DAB2IP: variants seen among roughly 807,000 people sequenced by gnomAD.
The protein encoded by DAB2IP is disabled homolog 2-interacting protein.
In DAB2IP, 28 loss-of-function variants were observed where a neutral mutation model predicts 107.2. The ratio of observed to expected loss-of-function variants is 0.26; its 90% CI spans 0.19 to 0.36. The LOEUF (loss-of-function observed/expected upper bound fraction) is 0.36. Ranked by LOEUF, DAB2IP falls within the 10% of genes least tolerant of loss-of-function variation. The pLI, the probability that DAB2IP is intolerant of heterozygous loss-of-function variation, is 1.00. For missense variants in DAB2IP, 1,400 were observed against 1,644.7 expected (o/e 0.85, Z 2.57); for synonymous variants, 755 against 706.4 (o/e 1.07, Z -1.09).
chr9:121,731,122 A>C (rs528434732), intron 3 of DAB2IP, among the ~76,000 whole-genome samples: 36 of 152,280 alleles, frequency 2.4e-4, no homozygotes, highest in African/African-American at 7.0e-4. Flanking sequence ...CTGGGCCTAC[A>C]GCCTGTTATA....
At chr9:121,615,788 G>A (rs893469546) in intron 1 of DAB2IP, among the ~76,000 whole-genome samples, 11 of 151,890 alleles carry the variant, frequency 7.2e-5, no homozygotes, top group South Asian at 2.1e-4. Context: ...CACCATGCCC[G>A]GCTAATTTTA....
At chr9:121,708,924 G>A (rs558265038) in intron 3 of DAB2IP, among the ~76,000 whole-genome samples, 5 of 152,338 alleles carry the variant, frequency 3.3e-5, no homozygotes, top group African/African-American at 1.2e-4. Flanking sequence ...TCCCAACTAA[G>A]GAGGCCAGGC....
At chr9:121,657,032 G>A (rs1372776472) in intron 1 of DAB2IP, among the ~76,000 whole-genome samples, 1 of 152,230 alleles carries the variant, frequency 6.6e-6, no homozygotes, top group Non-Finnish European at 1.5e-5. Flanking sequence ...TGGGAGGGAG[G>A]CAGGGGAGTG....
chr9:121,653,038 T>C (rs1832816021), intron 1 of DAB2IP, among the ~76,000 whole-genome samples: 1 of 152,124 alleles, frequency 6.6e-6, no homozygotes, highest in South Asian at 2.1e-4. Context: ...AGGTGTGTGC[T>C]GGTAGTTCAG....
intron 3 of DAB2IP, chr9:121,742,719 C>G (rs939912848): frequency 3.0e-6 from 3 of 985,560 alleles, no homozygotes; most frequent in Non-Finnish European, 2.4e-6. Flanking sequence ...GTTCCCTGCA[C>G]CTGCCTTTTC....
At chr9:121,665,711 A>G (rs1284672077) in intron 1 of DAB2IP, among the ~76,000 whole-genome samples, 1 of 152,240 alleles carries the variant, frequency 6.6e-6, no homozygotes. Context: ...ATGTCTTTTG[A>G]TAAAAGGTGC....
In DAB2IP at chr9:121,760,283, C is replaced by T. The variant is rs571566313; in HGVS notation, c.1014C>T (p.Thr338=). The T allele has an allele frequency of 1.1e-4, 174 of 1,613,904 alleles. 1 individual carries two copies. In the South Asian group the frequency reaches 1.8e-3, roughly 17 times the overall value. The change falls in exon 6 of 16, where the codon ACC becomes ACT. Residue 338 remains threonine, a synonymous_variant. Coordinates refer to ENST00000408936, the Ensembl canonical transcript of DAB2IP. This position sits in a 1 kb window ranked among gnomAD's most constrained non-coding sequence, Gnocchi z 5.9. ...TCAAGGCGCGCTACCAAACCATCAC[C>T]ATCCTGCCCATGGAGATGTACAAAG...
intron 1 of DAB2IP, among the ~76,000 whole-genome samples, chr9:121,603,613 G>A (rs960132735): frequency 1.3e-5 from 2 of 152,068 alleles, no homozygotes; most frequent in African/African-American, 4.8e-5. Flanking sequence ...CTATTTTTCT[G>A]CCCTATCTGG....
At position 121,776,035 on chromosome 9, in the gene DAB2IP, A is replaced by G. The variant is rs1835175165; in HGVS notation, c.3121-163A>G. Among the ~76,000 whole-genome samples, 1 of 152,100 alleles carries G rather than the reference A, an allele frequency of 6.6e-6. No homozygotes were observed. The highest frequency in any genetic ancestry group is 6.5e-5 in the Admixed American group (1 of 15,282). ...CACGCGTCTGGCTGCAGCCCCCACC[A>G]GCTGGGCTCCTTGGGCATCTCCTTG... On this transcript the variant is annotated intron_variant, in intron 13 of 15. Transcript: ENST00000408936. This position sits in a 1 kb window ranked among gnomAD's most constrained non-coding sequence, Gnocchi z 5.4.
chr9:121,593,898 C>T (rs974647530), intron 1 of DAB2IP, among the ~76,000 whole-genome samples: 3 of 150,962 alleles, frequency 2.0e-5, no homozygotes, highest in African/African-American at 7.3e-5. Context: ...AAACTCCTGA[C>T]CTCAGGTGAT....
At chr9:121,649,115 G>C (rs746384931), upstream of DAB2IP, among the ~76,000 whole-genome samples, 1 of 152,126 alleles carries the variant, frequency 6.6e-6, no homozygotes, top group South Asian at 2.1e-4. Context: ...CTCAGTACCC[G>C]GAGAGTACCT....
At chr9:121,761,555 G>A (rs139677993) in intron 6 of DAB2IP, among the ~76,000 whole-genome samples, 4 of 152,344 alleles carry the variant, frequency 2.6e-5, no homozygotes, top group Admixed American at 6.5e-5. Flanking sequence ...GGCCATGGCT[G>A]GAAGCCTCAG....
intron 1 of DAB2IP, among the ~76,000 whole-genome samples, chr9:121,666,895 CACACACACACACACACACACAA>C (rs1163034713): frequency 1.3e-5 from 2 of 150,158 alleles, no homozygotes; most frequent in African/African-American, 2.5e-5. Context: ...CACACACACA[CACACACACACACACACACACAA>C]CACTCTTAAA....
Position 121,593,063 on chromosome 9 carries a change from G to A in DAB2IP, c.40+25835G>A, listed in dbSNP as rs75202185. ...GGCCAGCCTCCCTGGGTGTGGTTTT[G>A]TTCAGAACTGGAGAACGCGCCTGAA... On this transcript the variant is annotated intron_variant, in intron 1 of 16. Coordinates refer to the DAB2IP transcript ENST00000259371. Among the ~76,000 whole-genome samples the A allele has an allele frequency of 3.7e-3, 568 of 152,280 alleles. 3 individuals carry two copies. The highest frequency in any genetic ancestry group is 0.013 in the African/African-American group (545 of 41,544).
chr9:121,661,886 G>A (rs1833221393), intron 1 of DAB2IP, among the ~76,000 whole-genome samples: 1 of 151,864 alleles, frequency 6.6e-6, no homozygotes, highest in Non-Finnish European at 1.5e-5. Flanking sequence ...AAGGTTGAGG[G>A]TGGAGGATTG....
rs74947772 is a variant in DAB2IP at position 121,727,434 on chromosome 9, G to A, written c.362+27976G>A. Among the ~76,000 whole-genome samples the A allele has an allele frequency of 8.1e-3, 1,239 of 152,356 alleles. 8 individuals carry two copies. Among genetic ancestry groups the A allele is most frequent in the Non-Finnish European group, 0.01 (691 of 68,032 alleles). ...TAGCAGAGTGCCTACACATAGAGGCGCCAGCGTGCCTTAGCATGGCAGTGG... is the reference window on the plus strand; with the variant it reads ...TAGCAGAGTGCCTACACATAGAGGCACCAGCGTGCCTTAGCATGGCAGTGG... On this transcript the variant is annotated intron_variant, in intron 3 of 15. Coordinates refer to ENST00000408936, the Ensembl canonical transcript of DAB2IP.
At chr9:121,678,013 TATC>T (rs1828359109) in intron 1 of DAB2IP, among the ~76,000 whole-genome samples, 1 of 152,138 alleles carries the variant, frequency 6.6e-6, no homozygotes, top group Non-Finnish European at 1.5e-5. Flanking sequence ...ACATAAAAGT[TATC>T]ATTTTAACTA....
At chr9:121,780,586 G>A (rs1451017977) in intron 14 of DAB2IP, among the ~76,000 whole-genome samples, 3 of 152,190 alleles carry the variant, frequency 2.0e-5, no homozygotes, top group Non-Finnish European at 4.4e-5. Context: ...GGAGGCTGAG[G>A]CCAAAGCCCT....
chr9:121,714,929 G>A (rs1182295572), intron 3 of DAB2IP, among the ~76,000 whole-genome samples: 1 of 152,222 alleles, frequency 6.6e-6, no homozygotes, highest in Non-Finnish European at 1.5e-5. Context: ...GGGCTGCCAC[G>A]GGACTTGTAT....
Sources: gnomAD v4.1 joint callset for allele counts (sites outside exome capture counted in the v4.1 genomes callset) on GRCh38, gnomAD v4.1.1 for gene constraint, Gnocchi (gnomAD v3.1) non-coding constraint, MANE v1.5 for transcripts, NCBI Gene and HGNC (gene_info 2026-07-23, HGNC 2026-07-21) for gene names.